CDC73: variants seen among roughly 807,000 people sequenced by gnomAD.
The protein encoded by CDC73 is parafibromin.
In CDC73, 21 loss-of-function variants were observed where a neutral mutation model predicts 83.7. The observed-to-expected ratio is 0.25, with a 90% CI of 0.18 to 0.36. The LOEUF (loss-of-function observed/expected upper bound fraction) is 0.36. Among genes scored for constraint, CDC73 ranks in the 10% least tolerant of loss-of-function variants. CDC73 has a pLI of 1.00. For synonymous variants in CDC73, 224 were observed against 212.9 expected, an observed-to-expected ratio of 1.05 and a Z score of -0.45; for missense variants, 342 against 653.3, an observed-to-expected ratio of 0.52 and a Z score of 5.19.
At chr1:193,165,689 A>G (rs1676423870) in intron 10 of CDC73, among the ~76,000 whole-genome samples, 1 of 152,238 alleles carries the variant, frequency 6.6e-6, no homozygotes, top group African/African-American at 2.4e-5. Context: ...AGAAGAAAAT[A>G]ATTAGTCTTT....
chr1:193,236,156 T>G lies in CDC73; in HGVS notation c.1317-100T>G, dbSNP rs181328435. 11 of 799,538 alleles carry G rather than the reference T, an allele frequency of 1.4e-5. No individual in the cohort carries two copies. In the East Asian group the frequency reaches 2.7e-4, roughly 19 times the overall value. 49.5% of individuals were successfully genotyped at this position (799,538 alleles called of 1,614,324 possible). ...GATAAGACTCTTTCACATGAATGTT[T>G]ATGGGACTGTTGCCTAAGGGATTTA... On this transcript the variant is annotated intron_variant, in intron 14 of 16. Transcript: ENST00000367435.
At chr1:193,240,845 A>G (rs752441822) in intron 15 of CDC73, among the ~76,000 whole-genome samples, 20 of 152,120 alleles carry the variant, frequency 1.3e-4, no homozygotes, top group Non-Finnish European at 2.8e-4. Flanking sequence ...CTTTAATATA[A>G]TCCCATCTAT....
chr1:193,124,010 G>T (rs1353044003), intron 1 of CDC73, among the ~76,000 whole-genome samples: 2 of 152,138 alleles, frequency 1.3e-5, no homozygotes, highest in East Asian at 3.9e-4. Flanking sequence ...GAATTCTCTG[G>T]GCTAAATGAT....
At chr1:193,203,233 G>A (rs10399607) in intron 10 of CDC73, among the ~76,000 whole-genome samples, 110,047 of 151,904 alleles carry the variant, frequency 0.72, 40,135 homozygotes, top group South Asian at 0.82. Context: ...GAGATTTGTT[G>A]TTTAGTTTTT....
chr1:193,124,435 G>A (rs1037632225), intron 1 of CDC73, among the ~76,000 whole-genome samples: 9 of 152,152 alleles, frequency 5.9e-5, no homozygotes, highest in Admixed American at 5.9e-4. Context: ...AGTAGGTTTA[G>A]GGCTGATTAT....
chr1:193,141,735 C>G lies in CDC73; in HGVS notation c.513-115C>G. The stretch of plus-strand genomic sequence containing the variant: ...AAGTCAGTCTTACAGATAAGAAAAC[C>G]TTAATTATTGCCATGTAAGTGTTTT... On this transcript the variant is annotated intron_variant, in intron 6 of 16. Coordinates refer to ENST00000367435, the MANE Select transcript of CDC73 (RefSeq NM_024529.5). 5.6e-6 allele frequency: 4 copies of G among 717,892 alleles called. No individual in the cohort carries two copies. The South Asian group carries it at 6.4e-5, about 12-fold the overall frequency. 44.5% of individuals were successfully genotyped at this position (717,892 alleles called of 1,614,324 possible).
chr1:193,150,063 G>A (rs948877643), intron 8 of CDC73, among the ~76,000 whole-genome samples: 1 of 151,990 alleles, frequency 6.6e-6, no homozygotes. Context: ...ACCTGAGGCT[G>A]GGATTCAAAA....
intron 15 of CDC73, among the ~76,000 whole-genome samples, chr1:193,243,858 A>G (rs143997019): frequency 9.5e-4 from 144 of 152,324 alleles, no homozygotes; most frequent in African/African-American, 3.3e-3. Flanking sequence ...TCTGGGCACA[A>G]ATTATTCATT....
chr1:193,150,723 CG>C (rs1367686658), intron 9 of CDC73, among the ~76,000 whole-genome samples: 1 of 152,108 alleles, frequency 6.6e-6, no homozygotes, highest in Admixed American at 6.6e-5. Context: ...TAGCTTATGT[CG>C]TAGTAACTTT....
intron 13 of CDC73, among the ~76,000 whole-genome samples, chr1:193,226,348 TGAAGA>T (rs1316517674): frequency 6.6e-6 from 1 of 152,238 alleles, no homozygotes; most frequent in African/African-American, 2.4e-5. Flanking sequence ...GTCCTTATAG[TGAAGA>T]GAAGAGAATG....
chr1:193,241,212 G>T (rs1261297244), intron 15 of CDC73, among the ~76,000 whole-genome samples: 3 of 152,158 alleles, frequency 2.0e-5, no homozygotes, highest in African/African-American at 4.8e-5. Flanking sequence ...TTTTGATTGG[G>T]TGGGGCACTT....
intron 10 of CDC73, among the ~76,000 whole-genome samples, chr1:193,164,422 TA>T (rs1464727606): frequency 6.6e-6 from 1 of 152,212 alleles, no homozygotes; most frequent in African/African-American, 2.4e-5. Flanking sequence ...TGATTCATTT[TA>T]ATTAAGCTTA....
chr1:193,226,129 C>T (rs1317834011), intron 13 of CDC73, among the ~76,000 whole-genome samples: 2 of 152,072 alleles, frequency 1.3e-5, no homozygotes, highest in Admixed American at 6.5e-5. Flanking sequence ...GTTTCATTCT[C>T]CTACATGTGA....
At chr1:193,226,645 A>G (rs1677572081) in intron 13 of CDC73, among the ~76,000 whole-genome samples, 1 of 152,196 alleles carries the variant, frequency 6.6e-6, no homozygotes, top group Non-Finnish European at 1.5e-5. Flanking sequence ...ATGTTAAACC[A>G]TCCCTGCATC....
chr1:193,193,630 A>C (rs1051529752), intron 10 of CDC73, among the ~76,000 whole-genome samples: 1 of 152,164 alleles, frequency 6.6e-6, no homozygotes, highest in Non-Finnish European at 1.5e-5. Context: ...ATTTATCCTT[A>C]ATTATTTGCT....
intron 10 of CDC73, among the ~76,000 whole-genome samples, chr1:193,189,859 C>T (rs1676888077): frequency 6.6e-6 from 1 of 152,158 alleles, no homozygotes; most frequent in South Asian, 2.1e-4. Flanking sequence ...TAAATAGTAA[C>T]TCATGGAGTT....
chr1:193,197,193 T>A (rs2103172415), intron 10 of CDC73, among the ~76,000 whole-genome samples: 1 of 152,312 alleles, frequency 6.6e-6, no homozygotes, highest in Admixed American at 6.5e-5. Context: ...GAGATGACCA[T>A]GAGGGTTTTT....
At chr1:193,150,037 G>A (rs1376727738) in intron 8 of CDC73, among the ~76,000 whole-genome samples, 2 of 151,962 alleles carry the variant, frequency 1.3e-5, no homozygotes, top group African/African-American at 4.8e-5. Context: ...AGCACTTTGC[G>A]AGACTGAGGT....
intron 13 of CDC73, among the ~76,000 whole-genome samples, chr1:193,216,235 AAC>A (rs1262893039): frequency 1.3e-5 from 2 of 152,200 alleles, no homozygotes; most frequent in East Asian, 1.9e-4. Context: ...GATCCCAATA[AAC>A]ACAATCAGAA....
Sources: allele counts gnomAD v4.1 joint callset (sites outside exome capture counted in the v4.1 genomes callset), GRCh38; gene constraint gnomAD v4.1.1; transcripts MANE v1.5; gene names NCBI Gene and HGNC (gene_info 2026-07-23, HGNC 2026-07-21).